The following SETD7 variants were observed in gnomAD, a reference collection of about 807,000 sequenced individuals.
SETD7 encodes the protein SET domain containing 7, histone lysine methyltransferase.
Under a neutral mutation model 41.8 loss-of-function variants are expected in SETD7, and 16 were observed. That is an observed-to-expected ratio of 0.38 (90% CI 0.26 to 0.58). The LOEUF is 0.58. Ranked by LOEUF, SETD7 falls within the 20% of genes least tolerant of loss-of-function variation. SETD7 has a pLI of 0.64. For synonymous variants in SETD7, 163 were observed against 169.7 expected (o/e 0.96, Z 0.31); for missense variants, 346 against 459.7 (o/e 0.75, Z 2.26).
Position 139,549,840 on chromosome 4 carries a change from C to T in SETD7, c.41-2791G>A, listed in dbSNP as rs1728063384. 2.0e-5 allele frequency among the ~76,000 whole-genome samples: 3 copies of T among 152,096 alleles called. No individual in the cohort carries two copies. The South Asian group carries it at 6.2e-4, about 32-fold the overall frequency. On this transcript the variant is annotated intron_variant, in intron 1 of 7. Transcript: ENST00000274031. ...TTGTCCAGACTGGAGTGCAATGGTG[C>T]GATCTTGGCTCACTGCAACCTCCGC...
rs1034418767 is a variant in SETD7, at chr4:139,521,652, T to C, written c.645-1258A>G. 7.2e-5 allele frequency among the ~76,000 whole-genome samples: 11 copies of C among 152,304 alleles called. No homozygotes were observed. In the South Asian group the frequency reaches 8.3e-4, roughly 11 times the overall value. The stretch of plus-strand genomic sequence containing the variant: ...GCCACGTGACCTTGTAGTGCCTCCC[T>C]CAGGGTGGGTGGAGGATACATCCTG... On this transcript the variant is annotated intron_variant, in intron 5 of 7. Coordinates refer to ENST00000274031, the MANE Select transcript of SETD7 (RefSeq NM_030648.4).
intron 7 of SETD7, among the ~76,000 whole-genome samples, chr4:139,499,601 C>A (rs998584587): frequency 2.6e-5 from 4 of 152,168 alleles, no homozygotes; most frequent in African/African-American, 9.7e-5. Flanking sequence ...AGTTTAGACA[C>A]CCCTGTGATT....
downstream of SETD7, among the ~76,000 whole-genome samples, chr4:139,501,792 A>C (rs1161400635): frequency 1.3e-5 from 2 of 152,170 alleles, no homozygotes; most frequent in African/African-American, 4.8e-5. Context: ...AGAACACACA[A>C]TAATGGTCTG....
Position 139,508,649 on chromosome 4 carries a change from A to G in SETD7, c.*3014T>C, listed in dbSNP as rs906550268. ...ACATAGGCTCCCGCTGTTTTTCAGG[A>G]GAGCATAAAGTTATTTCTTTATTCC... On this transcript the variant is annotated 3_prime_UTR_variant, in exon 8 of 8. Transcript: ENST00000274031. 1.3e-5 allele frequency: 2 copies of G among 152,226 alleles called. No homozygotes were observed. The highest frequency in any genetic ancestry group is 4.8e-5 in the African/African-American group (2 of 41,462). 9.4% of individuals were successfully genotyped at this position (152,226 alleles called of 1,614,324 possible).
chr4:139,534,374 A>C (rs6814310), intron 2 of SETD7, among the ~76,000 whole-genome samples: 67,185 of 151,906 alleles, frequency 0.44, 15,084 homozygotes, highest in African/African-American at 0.53. Context: ...GAGAGTATTT[A>C]TTCATTAATT....
rs915568202 is a variant in SETD7 at position 139,529,953 on chromosome 4, G to A, written c.373-733C>T. Reference sequence around the variant, plus strand: ...TCTTGCCTCCTTTTAGCAGAGCAGCGCACTTAGCTTCATGCTTAACTCTTC... The same window carrying A: ...TCTTGCCTCCTTTTAGCAGAGCAGCACACTTAGCTTCATGCTTAACTCTTC... On this transcript the variant is annotated intron_variant, in intron 3 of 7. Transcript: ENST00000274031. Among the ~76,000 whole-genome samples, 16 of 152,194 alleles carry A rather than the reference G, an allele frequency of 1.1e-4. No individual in the cohort carries two copies. In the South Asian group the frequency reaches 1.7e-3, roughly 16 times the overall value.
chr4:139,513,436 A>G (rs1267753350), intron 7 of SETD7, among the ~76,000 whole-genome samples: 1 of 150,266 alleles, frequency 6.7e-6, no homozygotes, highest in Non-Finnish European at 1.5e-5. Context: ...AAAAAAAAAG[A>G]AAAAAAAGAT....
chr4:139,495,642 A>T (rs148027478), downstream of SETD7, among the ~76,000 whole-genome samples: 19 of 152,320 alleles, frequency 1.2e-4, no homozygotes, highest in East Asian at 3.7e-3. Flanking sequence ...TGAGAACAGC[A>T]TGGGGGAAAA....
At chr4:139,518,408 T>C (rs973454840) in intron 6 of SETD7, among the ~76,000 whole-genome samples, 23 of 152,224 alleles carry the variant, frequency 1.5e-4, no homozygotes, top group Admixed American at 7.2e-4. Flanking sequence ...GGATTACAGG[T>C]GTAAGCCACC....
chr4:139,505,380 G>A (rs186529982), downstream of SETD7, among the ~76,000 whole-genome samples: 278 of 152,310 alleles, frequency 1.8e-3, 2 homozygotes, highest in African/African-American at 6.2e-3. Flanking sequence ...CTTGAGGTCA[G>A]GAGTTCAAGA....
At chr4:139,551,731 A>G (rs1728115437) in intron 1 of SETD7, among the ~76,000 whole-genome samples, 1 of 152,184 alleles carries the variant, frequency 6.6e-6, no homozygotes, top group Admixed American at 6.5e-5. Context: ...AAAAAACAAC[A>G]ATTAATAGGC....
rs1322518262 is a variant in SETD7 at position 139,555,876 on chromosome 4, C to G, written c.40+222G>C. ...GGCCGTGCGTTTCCAGCGCCCCCGG[C>G]CTGGCGGAGCCCCATTCTCGGCCTG... On this transcript the variant is annotated intron_variant, in intron 1 of 7. Transcript: ENST00000274031. This position sits in a 1 kb window ranked among gnomAD's most constrained non-coding sequence, Gnocchi z 4.0. Among the ~76,000 whole-genome samples the G allele has an allele frequency of 6.6e-6, 1 of 152,026 alleles. No individual in the cohort carries two copies. The highest frequency in any genetic ancestry group is 6.6e-5 in the Admixed American group (1 of 15,266).
rs1726859367 is a variant in SETD7, at chr4:139,511,133, A to C, written c.*530T>G. On this transcript the variant is annotated 3_prime_UTR_variant, in exon 8 of 8. Transcript: ENST00000274031. ...GAAATGACTTTAGAAGTGGGCTCCTATTTACTAAGAAAAAAACCAAAGCCA... is the reference window on the plus strand; with the variant it reads ...GAAATGACTTTAGAAGTGGGCTCCTCTTTACTAAGAAAAAAACCAAAGCCA... The C allele has an allele frequency of 6.5e-6, 1 of 155,016 alleles. No individual in the cohort carries two copies. Among genetic ancestry groups the C allele is most frequent in the Non-Finnish European group, 1.4e-5 (1 of 70,152 alleles). 9.6% of individuals were successfully genotyped at this position (155,016 alleles called of 1,614,324 possible).
rs201470323 is a variant in SETD7, at chr4:139,528,028, G to GT, written c.562+1002dup. Among the ~76,000 whole-genome samples the GT allele has an allele frequency of 1.1e-3, 163 of 152,130 alleles. No individual in the cohort carries two copies. In the East Asian group the frequency reaches 0.026, roughly 24 times the overall value. ...AATGCCCAGATTTATTGTCTTTTCT[G>GT]TTTTTTTCTCCCTATAACCAAACCT... On this transcript the variant is annotated intron_variant, in intron 4 of 7. Coordinates refer to ENST00000274031, the MANE Select transcript of SETD7 (RefSeq NM_030648.4).
At position 139,511,461 on chromosome 4, in the gene SETD7, T is replaced by C; in HGVS notation, c.*202A>G. 1.2e-6 allele frequency: 1 copy of C among 830,560 alleles called. No individual in the cohort carries two copies. The highest frequency in any genetic ancestry group is 1.8e-6 in the Non-Finnish European group (1 of 557,740). The allele number at this position is 830,560 out of a possible 1,614,324, so 51.4% of individuals were successfully genotyped here. A position where few individuals can be genotyped will look rare whatever the true frequency, so the allele number is the denominator to read the frequency against. ...CTCGACAATACCTCTCAGTAGGACG[T>C]TGTTGCAAGGCTAGCTAATTTTAAA... On this transcript the variant is annotated 3_prime_UTR_variant, in exon 8 of 8. Coordinates refer to ENST00000274031, the MANE Select transcript of SETD7 (RefSeq NM_030648.4).
intron 2 of SETD7, among the ~76,000 whole-genome samples, chr4:139,538,261 A>C (rs1727693031): frequency 6.6e-6 from 1 of 152,232 alleles, no homozygotes; most frequent in African/African-American, 2.4e-5. Context: ...AAGCAATTCA[A>C]GCAATACTAA....
chr4:139,551,254 T>A (rs1728102517), intron 1 of SETD7, among the ~76,000 whole-genome samples: 1 of 152,234 alleles, frequency 6.6e-6, no homozygotes, highest in Admixed American at 6.5e-5. Flanking sequence ...CCAGGCGAGT[T>A]CCCACTGAAC....
intron 1 of SETD7, among the ~76,000 whole-genome samples, chr4:139,549,526 T>TCCTTCCTTCCTC (rs1198528749): frequency 6.6e-6 from 1 of 151,610 alleles, no homozygotes; most frequent in African/African-American, 2.4e-5. Context: ...CTTCCTTCCT[T>TCCTTCCTTCCTC]CCTCCCTTTT....
At chr4:139,525,146 T>C (rs2725783) in intron 4 of SETD7, among the ~76,000 whole-genome samples, 148,034 of 152,306 alleles carry the variant, frequency 0.97, 72,089 homozygotes, top group Middle Eastern at 1. Flanking sequence ...CAAAATTGTG[T>C]GTGGAATGTA....
Sources: allele counts gnomAD v4.1 joint callset (sites outside exome capture counted in the v4.1 genomes callset), GRCh38; gene constraint gnomAD v4.1.1; non-coding constraint Gnocchi (gnomAD v3.1); transcripts MANE v1.5; gene names NCBI Gene and HGNC (gene_info 2026-07-23, HGNC 2026-07-21).